Variants in STARD9 observed in about 807,000 individuals in gnomAD.
STARD9 encodes the protein stAR-related lipid transfer protein 9.
Under a neutral mutation model 399.8 loss-of-function variants are expected in STARD9, and 346 were observed. That is an observed-to-expected ratio of 0.87 (90% CI 0.79 to 0.95). The LOEUF (loss-of-function observed/expected upper bound fraction) is 0.95. Among genes scored for constraint, STARD9 ranks in the 40% least tolerant of loss-of-function variants. The probability of loss-of-function intolerance (pLI) is 0.00; values close to 1 mark genes in which losing one functional copy is unlikely to be tolerated. For synonymous variants in STARD9, 2,203 were observed against 2,143.5 expected, an observed-to-expected ratio of 1.03 and a Z score of -0.77; for missense variants, 5,832 against 5,667.5, an observed-to-expected ratio of 1.03 and a Z score of -0.93.
At chr15:42,613,122 G>A (rs1245088713) in intron 3 of STARD9, among the ~76,000 whole-genome samples, 1 of 151,796 alleles carries the variant, frequency 6.6e-6, no homozygotes, top group Non-Finnish European at 1.5e-5. Context: ...TTATGTTTCT[G>A]TATGCATTTA....
At position 42,628,809 on chromosome 15, in the gene STARD9, C is replaced by T. The variant is rs143155792; in HGVS notation, c.235-6047C>T. On this transcript the variant is annotated intron_variant, in intron 3 of 32. Coordinates refer to ENST00000290607, the MANE Select transcript of STARD9 (RefSeq NM_020759.3). ...TGCGTGTCTGTTTTTATGCCAGTAC[C>T]GTGCTGTTTTGGCTACTGTAGCTCT... Among the ~76,000 whole-genome samples the T allele has an allele frequency of 1.5e-3, 225 of 152,188 alleles. 1 individual carries two copies. Among genetic ancestry groups the T allele is most frequent in the African/African-American group, 5.1e-3 (210 of 41,528 alleles).
chr15:42,662,394 A>G (rs911005058), intron 10 of STARD9, among the ~76,000 whole-genome samples: 5 of 152,226 alleles, frequency 3.3e-5, no homozygotes, highest in African/African-American at 7.2e-5. Context: ...AATATTTCCC[A>G]TTTACTTAAA....
Position 42,683,757 on chromosome 15 carries a change from A to T in STARD9, c.2538-359A>T, listed in dbSNP as rs539937685. 3.9e-5 allele frequency among the ~76,000 whole-genome samples: 6 copies of T among 152,126 alleles called. No homozygotes were observed. The East Asian group carries it at 1.2e-3, about 29-fold the overall frequency. On this transcript the variant is annotated intron_variant, in intron 22 of 32. Coordinates refer to ENST00000290607, the MANE Select transcript of STARD9 (RefSeq NM_020759.3). ...TCATTATTTTTATTTCTTTTTATTG[A>T]TAATTATAGTTCTGTAGAATATGTA...
In STARD9 at chr15:42,630,909, A is replaced by G. The variant is rs541130088; in HGVS notation, c.235-3947A>G. On this transcript the variant is annotated intron_variant, in intron 3 of 32. Coordinates refer to ENST00000290607, the MANE Select transcript of STARD9 (RefSeq NM_020759.3). ...CTTTTGTATTGCTTTTTTCATTTCAATTTCATTTATTTCTGCTCTAAGTTT... is the reference window on the plus strand; with the variant it reads ...CTTTTGTATTGCTTTTTTCATTTCAGTTTCATTTATTTCTGCTCTAAGTTT... Among the ~76,000 whole-genome samples the G allele has an allele frequency of 4.1e-5, 6 of 147,318 alleles. No homozygotes were observed. The South Asian group carries it at 1.1e-3, about 26-fold the overall frequency.
intron 9 of STARD9, among the ~76,000 whole-genome samples, chr15:42,659,466 G>A (rs895201227): frequency 6.6e-6 from 1 of 152,100 alleles, no homozygotes; most frequent in Non-Finnish European, 1.5e-5. Flanking sequence ...TGCTCTGCTG[G>A]TGGGAATGTA....
intron 16 of STARD9, among the ~76,000 whole-genome samples, chr15:42,673,630 T>C (rs545704986): frequency 2.6e-5 from 4 of 152,278 alleles, no homozygotes; most frequent in African/African-American, 9.6e-5. Flanking sequence ...GATAAAGTAA[T>C]ATGATTTGTA....
rs377146056 is a variant in STARD9 at position 42,695,323 on chromosome 15, G to A, written c.13146G>A (p.Lys4382=). ...IHQKIISQLL[K]EEDKLHTLAN... Reference sequence around the variant, plus strand: ...AGAAGATCATTTCCCAGCTATTGAAGGTGTGGAGTGGGGCATGCCTCTGAT... The same window carrying A: ...AGAAGATCATTTCCCAGCTATTGAAAGTGTGGAGTGGGGCATGCCTCTGAT... Residue 4382 remains lysine, a splice_region_variant and synonymous_variant, in exon 25 of 33, where the codon AAG becomes AAA. Coordinates refer to ENST00000290607, the MANE Select transcript of STARD9 (RefSeq NM_020759.3). The A allele has an allele frequency of 6.5e-7, 1 of 1,528,886 alleles. No individual in the cohort carries two copies. Among genetic ancestry groups the A allele is most frequent in the Non-Finnish European group, 8.8e-7 (1 of 1,141,594 alleles). 94.7% of individuals were successfully genotyped at this position (1,528,886 alleles called of 1,614,324 possible). A position where few individuals can be genotyped will look rare whatever the true frequency, so the allele number is the denominator to read the frequency against.
At chr15:42,666,506 C>A (rs1302291646) in intron 15 of STARD9, among the ~76,000 whole-genome samples, 2 of 152,022 alleles carry the variant, frequency 1.3e-5, no homozygotes, top group African/African-American at 4.8e-5. Flanking sequence ...AAGCACACAC[C>A]GTGAGGAAGA....
intron 9 of STARD9, among the ~76,000 whole-genome samples, chr15:42,658,405 G>A (rs2059920928): frequency 6.6e-6 from 1 of 150,632 alleles, no homozygotes; most frequent in South Asian, 2.1e-4. Flanking sequence ...TAAATCCCTA[G>A]GCTCAAGTGA....
chr15:42,638,653 C>CT, intron 6 of STARD9, 47 bp from the exon 7 acceptor site: 2 of 1,366,592 alleles, frequency 1.5e-6, no homozygotes, highest in Non-Finnish European at 2.0e-6. Context: ...GTTGTTTCTA[C>CT]TTTTTTTCAA....
In STARD9 at chr15:42,693,493, A is replaced by G; in HGVS notation, c.11915A>G (p.Asn3972Ser). Residue 3972 changes from asparagine (N) to serine (S), a missense_variant, in exon 23 of 33, where the codon AAT becomes AGT. Transcript: ENST00000290607. ...QRGRSSLQRS[N>S]GRSFLELHSP... ...GGTAGAAGTTCCTTACAAAGGAGTA[A>G]TGGGAGATCCTTCCTTGAGTTGCAC... 3 of 1,537,242 alleles carry G rather than the reference A, an allele frequency of 2.0e-6. No homozygotes were observed. The highest frequency in any genetic ancestry group is 2.4e-5 in the South Asian group (2 of 84,054).
At chr15:42,643,524 C>G (rs531147516) in intron 7 of STARD9, among the ~76,000 whole-genome samples, 144 of 152,130 alleles carry the variant, frequency 9.5e-4, no homozygotes, top group African/African-American at 3.4e-3. Flanking sequence ...AAAACAGAGT[C>G]TCGCTCTGTC....
At chr15:42,715,446 G>A (rs951108488) in intron 26 of STARD9, among the ~76,000 whole-genome samples, 1 of 152,104 alleles carries the variant, frequency 6.6e-6, no homozygotes, top group African/African-American at 2.4e-5. Flanking sequence ...TTGGGAGGCC[G>A]CAGAGGGGAG....
intron 1 of STARD9, among the ~76,000 whole-genome samples, chr15:42,578,091 TAG>T (rs776037601): frequency 2.0e-4 from 29 of 147,236 alleles, no homozygotes; most frequent in Non-Finnish European, 4.1e-4. Context: ...TCAGTAGGAC[TAG>T]AGTTGACGCT....
In STARD9 at chr15:42,665,320, G is replaced by T. The variant is rs781495975; in HGVS notation, c.1244G>T (p.Ser415Ile). ...GAAAGACTGAAAGCCCTGCTGCTGA[G>T]CTTTGAACTGGTATGCAGACAGTCA... ...EIERLKALLLSFELRNFSSLS... is the reference protein window; with the variant it reads ...EIERLKALLLIFELRNFSSLS... The change falls in exon 14 of 33, where the codon AGC becomes ATC. Residue 415 changes from serine (S) to isoleucine (I), a missense_variant. By Grantham distance (142) the Ser-to-Ile change is moderately radical (BLOSUM62 -2). Transcript: ENST00000290607. 2.0e-6 allele frequency: 3 copies of T among 1,536,828 alleles called. No homozygotes were observed. Among genetic ancestry groups the T allele is most frequent in the East Asian group, 2.4e-5 (1 of 40,926 alleles).
Position 42,719,500 on chromosome 15 carries a change from C to T in STARD9, c.14029C>T (p.Pro4677Ser). Residue 4677 changes from proline to serine, a missense_variant, in exon 33 of 33, where the codon CCT (proline) becomes TCT (serine). Pro to Ser is a moderately conservative substitution (Grantham distance 74). Coordinates refer to ENST00000290607, the MANE Select transcript of STARD9 (RefSeq NM_020759.3). Reference protein sequence around the residue: ...QVELGAPGFPPQLLSSFIKRQ... With the variant: ...QVELGAPGFPSQLLSSFIKRQ... ...GGAACTTGGTGCTCCAGGCTTCCCA[C>T]CTCAGCTCCTGAGCTCTTTCATCAA... 2 of 1,537,144 alleles carry T rather than the reference C, an allele frequency of 1.3e-6. No individual in the cohort carries two copies.
In STARD9 at chr15:42,682,499, T is replaced by C. The variant is rs1047952351; in HGVS notation, c.2461T>C (p.Cys821Arg). 10 of 1,537,034 alleles carry C rather than the reference T, an allele frequency of 6.5e-6. No homozygotes were observed. The highest frequency in any genetic ancestry group is 4.1e-5 in the African/African-American group (3 of 73,010). Residue 821 changes from cysteine to arginine, a missense_variant, in exon 22 of 33, where the codon TGT becomes CGT. Coordinates refer to ENST00000290607, the MANE Select transcript of STARD9 (RefSeq NM_020759.3). The stretch of plus-strand genomic sequence containing the variant: ...TGATGCCACAGTCCCACGGCCTCCA[T>C]GTAGAAGCAAATTGACGAGTTGCAG... ...SPDATVPRPP[C>R]RSKLTSCSSL...
Position 42,718,796 on chromosome 15 carries a change from C to G in STARD9, c.13887C>G (p.Ser4629=). Residue 4629 remains serine (S), a synonymous_variant, in exon 32 of 33, where the codon TCC becomes TCG. Transcript: ENST00000290607. ...CAGCCCAGTCTGTGTATGATACATC[C>G]ATGCCAAGACCCAGCAGAAAAATGG... The part of the protein sequence containing the change: ...VMAAQSVYDT[S]MPRPSRKMVR... 6.5e-7 allele frequency: 1 copy of G among 1,537,270 alleles called. No homozygotes were observed. The highest frequency in any genetic ancestry group is 8.7e-7 in the Non-Finnish European group (1 of 1,146,908).
At position 42,686,850 on chromosome 15, in the gene STARD9, G is replaced by A. The variant is rs977475982; in HGVS notation, c.5272G>A (p.Glu1758Lys). Residue 1758 changes from glutamate (E) to lysine (K), a missense_variant, in exon 23 of 33, where the codon GAA (glutamate) becomes AAA (lysine). Glu to Lys is a moderately conservative substitution (Grantham distance 56). Transcript: ENST00000290607. ...GACCAAAAGCAGGGATGCCCTGACA[G>A]AAACTGCCTTAGAGATTCCAGCTTG... is the stretch of plus-strand genomic sequence containing the variant. The part of the protein sequence containing the change: ...YVTKSRDALT[E>K]TALEIPACRE... 1.3e-6 allele frequency: 2 copies of A among 1,536,988 alleles called. No individual in the cohort carries two copies. The highest frequency in any genetic ancestry group is 2.4e-5 in the South Asian group (2 of 84,066).
Sources: allele counts gnomAD v4.1 joint callset (sites outside exome capture counted in the v4.1 genomes callset), GRCh38; gene constraint gnomAD v4.1.1; transcripts MANE v1.5; gene names NCBI Gene and HGNC (gene_info 2026-07-23, HGNC 2026-07-21).